PCDH15: variants seen among roughly 807,000 people sequenced by gnomAD.
The protein encoded by PCDH15 is protocadherin related 15.
PCDH15 carries 129 observed loss-of-function variants against 178.5 expected under a neutral mutation model. The ratio of observed to expected loss-of-function variants is 0.72; its 90% CI spans 0.63 to 0.84. The LOEUF (loss-of-function observed/expected upper bound fraction) is 0.84. Ranked by LOEUF, PCDH15 falls within the 40% of genes least tolerant of loss-of-function variation. The pLI, the probability that PCDH15 is intolerant of heterozygous loss-of-function variation, is 0.00. For missense variants in PCDH15, 2,230 were observed against 2,099.9 expected, an observed-to-expected ratio of 1.06 and a Z score of -1.21; for synonymous variants, 800 against 732.0, an observed-to-expected ratio of 1.09 and a Z score of -1.50.
intron 3 of PCDH15, among the ~76,000 whole-genome samples, chr10:54,451,531 T>G (rs917081364): frequency 2.0e-5 from 3 of 151,918 alleles, no homozygotes; most frequent in Non-Finnish European, 4.4e-5. Context: ...CTCTAATAGC[T>G]TGGGACCTAC....
rs541706854 is a variant in PCDH15, at chr10:54,533,960, G to C, written c.92-6083C>G. On this transcript the variant is annotated intron_variant, in intron 2 of 37. Coordinates refer to ENST00000644397, the MANE Select transcript of PCDH15 (RefSeq NM_001384140.1). ...ATCCTAACTTTGGTTTTTAATAGTTGTATAATATTGGACAAATTATTTAAC... is the reference window on the plus strand; with the variant it reads ...ATCCTAACTTTGGTTTTTAATAGTTCTATAATATTGGACAAATTATTTAAC... Among the ~76,000 whole-genome samples the C allele has an allele frequency of 4.6e-5, 7 of 152,028 alleles. No homozygotes were observed. In the East Asian group the frequency reaches 1.2e-3, roughly 25 times the overall value.
At position 54,557,007 on chromosome 10, in the gene PCDH15, GACTTT is replaced by G. The variant is rs761401494; in HGVS notation, c.92-29135_92-29131del. On this transcript the variant is annotated intron_variant, in intron 2 of 37. Coordinates refer to ENST00000644397, the MANE Select transcript of PCDH15 (RefSeq NM_001384140.1). ...AATTTGGACAAGCCATTGGTGTTTTGACTTTACTTTATCAGAATCTTTAAAGACTA... is the reference window on the plus strand; with the variant it reads ...AATTTGGACAAGCCATTGGTGTTTTGACTTTATCAGAATCTTTAAAGACTA... 2.6e-4 allele frequency among the ~76,000 whole-genome samples: 39 copies of G among 152,066 alleles called. 1 individual carries two copies. Among genetic ancestry groups the G allele is most frequent in the Admixed American group, 4.6e-4 (7 of 15,262 alleles).
chr10:54,843,048 G>A (rs1953445547), intron 3 of PCDH15, among the ~76,000 whole-genome samples: 1 of 151,946 alleles, frequency 6.6e-6, no homozygotes, highest in South Asian at 2.1e-4. Flanking sequence ...GGGTCAAGGA[G>A]CTCTGACACA....
At chr10:54,466,192 C>T (rs770935492) in intron 3 of PCDH15, among the ~76,000 whole-genome samples, 1 of 151,822 alleles carries the variant, frequency 6.6e-6, no homozygotes, top group Admixed American at 6.6e-5. Context: ...CTTAGCTGTG[C>T]AGAAATTTTT....
chr10:54,792,570 C>A (rs191418036), intron 1 of PCDH15, among the ~76,000 whole-genome samples: 2 of 151,992 alleles, frequency 1.3e-5, no homozygotes, highest in Admixed American at 1.3e-4. Flanking sequence ...CCACTGAAGT[C>A]CCGAACAGAA....
chr10:55,161,701 C>T (rs1255158414), intron 2 of PCDH15, among the ~76,000 whole-genome samples: 1 of 152,084 alleles, frequency 6.6e-6, no homozygotes, highest in Non-Finnish European at 1.5e-5. Context: ...ATTTTCATAT[C>T]ATTTTCCTGA....
At chr10:54,521,063 G>T (rs2082803885) in intron 3 of PCDH15, among the ~76,000 whole-genome samples, 3 of 124,124 alleles carry the variant, frequency 2.4e-5, no homozygotes, top group Non-Finnish European at 3.3e-5. Flanking sequence ...GGACTGTTGT[G>T]GGGTGGGGGG....
chr10:54,824,599 G>C (rs1591722778), intron 3 of PCDH15, among the ~76,000 whole-genome samples: 1 of 152,062 alleles, frequency 6.6e-6, no homozygotes, highest in Non-Finnish European at 1.5e-5. Flanking sequence ...AGGAAGAAAT[G>C]GGAGGCAAAA....
chr10:55,395,953 C>T (rs1285140482), intron 2 of PCDH15, among the ~76,000 whole-genome samples: 1 of 151,964 alleles, frequency 6.6e-6, no homozygotes, highest in Non-Finnish European at 1.5e-5. Context: ...CTAAATTCTA[C>T]CCAAAAAATG....
At chr10:55,149,450 A>T (rs11516686) in intron 2 of PCDH15, among the ~76,000 whole-genome samples, 137,032 of 152,052 alleles carry the variant, frequency 0.9, 62,433 homozygotes, top group Non-Finnish European at 0.97. Flanking sequence ...AGAATACAAC[A>T]GTAAAGTAAA....
intron 2 of PCDH15, among the ~76,000 whole-genome samples, chr10:54,659,621 G>A (rs746292917): frequency 6.6e-6 from 1 of 151,802 alleles, no homozygotes; most frequent in Admixed American, 6.6e-5. Flanking sequence ...GGTGTTAGTG[G>A]GGCATGCCTG....
intron 29 of PCDH15, among the ~76,000 whole-genome samples, chr10:53,834,518 G>GTTTT (rs11438530): frequency 5.6e-5 from 8 of 141,650 alleles, no homozygotes; most frequent in African/African-American, 1.8e-4. Flanking sequence ...ACAGAAATGT[G>GTTTT]TTTTTTTTTT....
chr10:54,793,122 G>A (rs74827202), intron 1 of PCDH15, among the ~76,000 whole-genome samples: 5,784 of 151,836 alleles, frequency 0.038, 333 homozygotes, highest in African/African-American at 0.13. Context: ...GTAGGCTCAG[G>A]GGAACTGAAC....
At chr10:53,812,192 T>G (rs1428560316) in intron 35 of PCDH15, among the ~76,000 whole-genome samples, 1 of 152,066 alleles carries the variant, frequency 6.6e-6, no homozygotes, top group Non-Finnish European at 1.5e-5. Context: ...GATTCTAAAT[T>G]TAAGGGTTTT....
At chr10:55,483,200 G>A (rs1182034333) in intron 2 of PCDH15, among the ~76,000 whole-genome samples, 2 of 151,532 alleles carry the variant, frequency 1.3e-5, no homozygotes, top group Non-Finnish European at 2.9e-5. Flanking sequence ...CAGACAACCT[G>A]AAGAACAGAA....
At chr10:55,189,662 G>A (rs1009145262) in intron 1 of PCDH15, among the ~76,000 whole-genome samples, 1 of 151,618 alleles carries the variant, frequency 6.6e-6, no homozygotes, top group Non-Finnish European at 1.5e-5. Flanking sequence ...ACTCCTATTA[G>A]CTCTCTTTAT....
At chr10:54,413,082 A>G (rs1953794629) in intron 3 of PCDH15, among the ~76,000 whole-genome samples, 1 of 152,220 alleles carries the variant, frequency 6.6e-6, no homozygotes, top group Admixed American at 6.5e-5. Context: ...TATGTTTAGC[A>G]GGAAACTTAA....
At chr10:55,602,357 T>C (rs547470109) in intron 2 of PCDH15, among the ~76,000 whole-genome samples, 6 of 151,984 alleles carry the variant, frequency 3.9e-5, no homozygotes, top group African/African-American at 1.4e-4. Context: ...AAAAAGCGGC[T>C]GGGAAGCTCG....
At chr10:55,318,692 G>T (rs1843796754) in intron 1 of PCDH15, among the ~76,000 whole-genome samples, 1 of 151,698 alleles carries the variant, frequency 6.6e-6, no homozygotes, top group Non-Finnish European at 1.5e-5. Flanking sequence ...TATGATGAGA[G>T]AAAATATTTG....
Sources: allele counts gnomAD v4.1 joint callset (sites outside exome capture counted in the v4.1 genomes callset), GRCh38; gene constraint gnomAD v4.1.1; transcripts MANE v1.5; gene names NCBI Gene and HGNC (gene_info 2026-07-23, HGNC 2026-07-21).